The following CAST variants were observed in gnomAD, a reference collection of about 807,000 sequenced individuals.
CAST encodes MIR583 host.
CAST carries 76 observed loss-of-function variants against 119.6 expected under a neutral mutation model. The ratio of observed to expected loss-of-function variants is 0.64; its 90% CI spans 0.53 to 0.77. CAST has a LOEUF of 0.77. CAST is among the 30% of genes least tolerant of loss of function. The pLI is 0.00. For missense variants in CAST, 953 were observed against 946.5 expected, an observed-to-expected ratio of 1.01 and a Z score of -0.09; for synonymous variants, 319 against 331.6, an observed-to-expected ratio of 0.96 and a Z score of 0.41.
At chr5:96,440,484 T>C in the CAST span, among the ~76,000 whole-genome samples, 1 of 152,048 alleles carries the variant, frequency 6.6e-6, no homozygotes, top group East Asian at 1.9e-4. Flanking sequence ...ATTGGCCAGG[T>C]CTGAGTTGTT....
At chr5:96,651,747 T>A (rs1748097165) in intron 1 of CAST, among the ~76,000 whole-genome samples, 1 of 152,222 alleles carries the variant, frequency 6.6e-6, no homozygotes, top group African/African-American at 2.4e-5. Context: ...GCTTTCTCCA[T>A]TCTGTAAAAT....
chr5:96,752,550 ATAACCTCAGGGATTTTTTTTTTTTTTT>A (rs1197109978), intron 20 of CAST, among the ~76,000 whole-genome samples: 6 of 57,982 alleles, frequency 1.0e-4, no homozygotes, highest in Admixed American at 5.5e-4. Context: ...AACCTCAGGG[ATAACCTCAGGGATTTTTTTTTTTTTTT>A]TTTTTTTTTT....
the CAST span, chr5:96,412,222 A>T: frequency 9.3e-7 from 1 of 1,078,620 alleles, no homozygotes; most frequent in Non-Finnish European, 1.4e-6. Flanking sequence ...AGAAATCCAC[A>T]ACAATGTTAT....
At chr5:96,671,834 A>G (rs1750117191) in intron 1 of CAST, among the ~76,000 whole-genome samples, 1 of 152,218 alleles carries the variant, frequency 6.6e-6, no homozygotes, top group Non-Finnish European at 1.5e-5. Context: ...ACGCCTGCAG[A>G]TTCCTGAGCT....
the CAST span, among the ~76,000 whole-genome samples, chr5:96,446,430 T>C: frequency 1.3e-5 from 2 of 152,188 alleles, no homozygotes; most frequent in Non-Finnish European, 2.9e-5. Flanking sequence ...AAGGAGGGAC[T>C]GGACAGCCCC....
At chr5:96,551,714 A>G (rs1746130063) in intron 1 of CAST, among the ~76,000 whole-genome samples, 1 of 152,100 alleles carries the variant, frequency 6.6e-6, no homozygotes, top group South Asian at 2.1e-4. Context: ...AAATAAAGGG[A>G]TGGAGAAAGA....
At chr5:96,189,420 GCC>G in the CAST span, among the ~76,000 whole-genome samples, 1 of 152,118 alleles carries the variant, frequency 6.6e-6, no homozygotes, top group African/African-American at 2.4e-5. Flanking sequence ...TTGCTCCAGT[GCC>G]CTCTTGTCTT....
At chr5:96,097,506 A>T in the CAST span, among the ~76,000 whole-genome samples, 1 of 152,006 alleles carries the variant, frequency 6.6e-6, no homozygotes, top group African/African-American at 2.4e-5. Context: ...TCTGAAGGCC[A>T]CAGTGTGTTG....
the CAST span, among the ~76,000 whole-genome samples, chr5:96,167,005 C>T: frequency 0.013 from 2,008 of 151,610 alleles, 23 homozygotes; most frequent in Non-Finnish European, 0.021. Context: ...TGGTAAGGGG[C>T]GATATTGTGG....
chr5:96,048,366 G>C, the CAST span, among the ~76,000 whole-genome samples: 1 of 152,170 alleles, frequency 6.6e-6, no homozygotes, highest in Non-Finnish European at 1.5e-5. Flanking sequence ...TGATGCCAGA[G>C]ATGACCAGAG....
chr5:96,770,470 C>T lies in CAST; in HGVS notation c.2269-61C>T, dbSNP rs996490875. 8.1e-6 allele frequency: 8 copies of T among 988,198 alleles called. No individual in the cohort carries two copies. In the East Asian group the frequency reaches 1.4e-4, roughly 18 times the overall value. The allele number at this position is 988,198 out of a possible 1,614,324, so 61.2% of individuals were successfully genotyped here. On this transcript the variant is annotated intron_variant, in intron 29 of 31. Coordinates refer to ENST00000675179, the MANE Select transcript of CAST (RefSeq NM_001750.7). ...TGGTCTGGATTAATTTAACTGCAGC[C>T]TAGTTAATTGCTAGATGGATTGGTG... is the stretch of plus-strand genomic sequence containing the variant.
the CAST span, among the ~76,000 whole-genome samples, chr5:96,437,701 A>G: frequency 6.6e-6 from 1 of 152,138 alleles, no homozygotes; most frequent in Non-Finnish European, 1.5e-5. Context: ...CCCCAGAACT[A>G]CTGAATCAGA....
chr5:96,201,917 A>G, the CAST span, among the ~76,000 whole-genome samples: 1 of 151,956 alleles, frequency 6.6e-6, no homozygotes, highest in South Asian at 2.1e-4. Context: ...AAGTTTGGCT[A>G]TCTTTTGAGA....
chr5:96,085,770 G>A, the CAST span, among the ~76,000 whole-genome samples: 42 of 152,216 alleles, frequency 2.8e-4, 1 homozygote, highest in Non-Finnish European at 1.0e-4. Context: ...GAAGGTCAGA[G>A]ATGCTGCTGG....
At chr5:96,166,227 G>A in the CAST span, among the ~76,000 whole-genome samples, 1 of 152,130 alleles carries the variant, frequency 6.6e-6, no homozygotes, top group Admixed American at 6.5e-5. Context: ...AAATAATTAG[G>A]AAATGATGTT....
the CAST span, among the ~76,000 whole-genome samples, chr5:96,144,651 A>C: frequency 2.0e-5 from 3 of 149,484 alleles, no homozygotes; most frequent in African/African-American, 7.3e-5. Context: ...TTGTTCGTTC[A>C]TAAACACATA....
At chr5:96,164,475 A>G in the CAST span, among the ~76,000 whole-genome samples, 15 of 152,338 alleles carry the variant, frequency 9.8e-5, no homozygotes, top group Non-Finnish European at 1.8e-4. Flanking sequence ...CAGAATCTGA[A>G]ATAATGGAAC....
chr5:96,477,829 G>A, the CAST span, among the ~76,000 whole-genome samples: 1 of 152,164 alleles, frequency 6.6e-6, no homozygotes, highest in Non-Finnish European at 1.5e-5. Context: ...GAGAGTAGGA[G>A]GGTAAACAGG....
In CAST at chr5:96,564,462, C is replaced by T. The variant is rs1235802433; in HGVS notation, c.60+34582C>T. Among the ~76,000 whole-genome samples the T allele has an allele frequency of 3.3e-5, 5 of 152,178 alleles. No individual in the cohort carries two copies. The South Asian group carries it at 8.3e-4, about 25-fold the overall frequency. On this transcript the variant is annotated intron_variant, in intron 1 of 11. Coordinates refer to the CAST transcript ENST00000505143. ...CAAAACAGAATCCCATTCTACTTGC[C>T]GGAAAATGTGTTGTATTAAAGAGGA...
Sources: gnomAD v4.1 joint callset for allele counts (sites outside exome capture counted in the v4.1 genomes callset) on GRCh38, gnomAD v4.1.1 for gene constraint, MANE v1.5 for transcripts, NCBI Gene and HGNC (gene_info 2026-07-23, HGNC 2026-07-21) for gene names.